The following GABBR2 variants were observed in gnomAD, a reference collection of about 807,000 sequenced individuals.
The protein encoded by GABBR2 is G-protein coupled receptor 51.
GABBR2 carries 23 observed loss-of-function variants against 105.6 expected under a neutral mutation model. The ratio of observed to expected loss-of-function variants is 0.22; its 90% confidence interval spans 0.16 to 0.31. The LOEUF (loss-of-function observed/expected upper bound fraction) is 0.31, where lower values mean the gene tolerates loss of function less well. Among genes scored for constraint, GABBR2 ranks in the 10% least tolerant of loss-of-function variants. GABBR2 has a pLI of 1.00. For missense variants in GABBR2, 734 were observed against 1,245.5 expected (o/e 0.59, Z 6.18); for synonymous variants, 478 against 499.7 (o/e 0.96, Z 0.58).
At chr9:98,415,318 C>CA (rs146004046) in intron 7 of GABBR2, among the ~76,000 whole-genome samples, 1,885 of 152,132 alleles carry the variant, frequency 0.012, 24 homozygotes, top group Non-Finnish European at 0.019. Flanking sequence ...ATTTTACCGG[C>CA]AAAAATAGCA....
intron 16 of GABBR2, among the ~76,000 whole-genome samples, chr9:98,300,310 C>T (rs1830448384): frequency 2.0e-5 from 3 of 151,944 alleles, no homozygotes; most frequent in Admixed American, 1.3e-4. Flanking sequence ...TCCCAGTCAT[C>T]CCCACGTTTT....
chr9:98,442,047 A>G (rs1488465093), intron 7 of GABBR2, among the ~76,000 whole-genome samples: 1 of 152,388 alleles, frequency 6.6e-6, no homozygotes, highest in East Asian at 1.9e-4. Context: ...TACAAGGGAC[A>G]TGGATAATTT....
At chr9:98,687,239 G>A (rs961841105) in intron 1 of GABBR2, among the ~76,000 whole-genome samples, 6 of 151,762 alleles carry the variant, frequency 4.0e-5, no homozygotes, top group African/African-American at 9.7e-5. Context: ...CCAAGGGGCA[G>A]GGTGGGAGGT....
intron 6 of GABBR2, among the ~76,000 whole-genome samples, chr9:98,455,369 G>C (rs1163306236): frequency 6.6e-6 from 1 of 152,272 alleles, no homozygotes; most frequent in East Asian, 1.9e-4. Context: ...TGCCAGAAAT[G>C]TCATCAGGGC....
intron 13 of GABBR2, among the ~76,000 whole-genome samples, chr9:98,320,364 T>G (rs1830797793): frequency 6.6e-6 from 1 of 151,780 alleles, no homozygotes; most frequent in Non-Finnish European, 1.5e-5. Context: ...ATAGGAACAC[T>G]TTTACACTGT....
chr9:98,488,905 G>GT (rs1382189201), intron 4 of GABBR2, among the ~76,000 whole-genome samples: 1 of 152,170 alleles, frequency 6.6e-6, no homozygotes, highest in Non-Finnish European at 1.5e-5. Context: ...CCTCAGGCAA[G>GT]TTATTAAACT....
chr9:98,303,453 AAG>A (rs1588089598), intron 15 of GABBR2, 30 bp from the exon 16 acceptor site: 1 of 1,600,370 alleles, frequency 6.2e-7, no homozygotes, highest in Non-Finnish European at 8.5e-7. Context: ...GGCGGGGTTG[AAG>A]AGAGAGCCTT....
chr9:98,379,004 G>T (rs1397003649), intron 11 of GABBR2, among the ~76,000 whole-genome samples: 2 of 152,184 alleles, frequency 1.3e-5, no homozygotes, highest in African/African-American at 4.8e-5. Context: ...GGGCCAAACT[G>T]GCTTCTTAGG....
intron 7 of GABBR2, among the ~76,000 whole-genome samples, chr9:98,433,695 T>G (rs2131576619): frequency 6.6e-6 from 1 of 152,300 alleles, no homozygotes; most frequent in Admixed American, 6.5e-5. Context: ...TCAACCTTTC[T>G]TTCCTTCCCT....
intron 13 of GABBR2, among the ~76,000 whole-genome samples, chr9:98,332,848 G>A (rs1010342156): frequency 1.3e-5 from 2 of 152,206 alleles, no homozygotes; most frequent in South Asian, 4.1e-4. Flanking sequence ...TTAATTCTTC[G>A]AGTCTTCTGT....
chr9:98,509,131 C>T (rs571763184), intron 3 of GABBR2, among the ~76,000 whole-genome samples: 1 of 152,300 alleles, frequency 6.6e-6, no homozygotes, highest in Non-Finnish European at 1.5e-5. Flanking sequence ...TGTTCTGCAG[C>T]CACCACTGCT....
At chr9:98,516,566 C>G (rs868234) in intron 3 of GABBR2, among the ~76,000 whole-genome samples, 66,371 of 152,032 alleles carry the variant, frequency 0.44, 14,804 homozygotes, top group East Asian at 0.66. Flanking sequence ...CAACAGAACA[C>G]TAAGCCCCCA....
At chr9:98,636,949 T>G (rs113649847) in intron 1 of GABBR2, among the ~76,000 whole-genome samples, 9 of 151,940 alleles carry the variant, frequency 5.9e-5, no homozygotes, top group African/African-American at 1.9e-4. Context: ...GTTTGGTGGG[T>G]CTATAGTAGA....
intron 6 of GABBR2, among the ~76,000 whole-genome samples, chr9:98,471,217 G>A (rs1826667773): frequency 6.6e-6 from 1 of 152,118 alleles, no homozygotes; most frequent in Non-Finnish European, 1.5e-5. Context: ...GCTTCCTCTT[G>A]CTTCAAAGAC....
chr9:98,491,968 G>A (rs1051469712), intron 4 of GABBR2, among the ~76,000 whole-genome samples: 1 of 152,098 alleles, frequency 6.6e-6, no homozygotes, highest in African/African-American at 2.4e-5. Flanking sequence ...TCAAGAAGGG[G>A]ACCTGGCTGG....
chr9:98,707,962 C>G (rs1334254282), intron 1 of GABBR2, among the ~76,000 whole-genome samples: 2 of 151,522 alleles, frequency 1.3e-5, no homozygotes, highest in African/African-American at 4.8e-5. Context: ...CTCGGCTTCC[C>G]TGGGGGCCTG....
chr9:98,619,099 T>C (rs1378132828), intron 1 of GABBR2, among the ~76,000 whole-genome samples: 1 of 152,154 alleles, frequency 6.6e-6, no homozygotes, highest in East Asian at 1.9e-4. Context: ...ATTTTAGAAG[T>C]TATATATTTT....
At chr9:98,464,962 C>T (rs1826513890) in intron 6 of GABBR2, among the ~76,000 whole-genome samples, 1 of 151,796 alleles carries the variant, frequency 6.6e-6, no homozygotes, top group Admixed American at 6.6e-5. Flanking sequence ...TCTCAAGTAC[C>T]CGGGGACACA....
intron 3 of GABBR2, among the ~76,000 whole-genome samples, chr9:98,516,803 G>A (rs1827765736): frequency 6.6e-6 from 1 of 152,156 alleles, no homozygotes; most frequent in African/African-American, 2.4e-5. Context: ...CCACCCTTGG[G>A]CTCAGAGTTT....
Sources: gnomAD v4.1 joint callset for allele counts (sites outside exome capture counted in the v4.1 genomes callset) on GRCh38, gnomAD v4.1.1 for gene constraint, MANE v1.5 for transcripts, NCBI Gene and HGNC (gene_info 2026-07-23, HGNC 2026-07-21) for gene names.